SMPX: variants seen among roughly 807,000 people sequenced by gnomAD.
The protein encoded by SMPX is small muscle protein X-linked.
SMPX carries 2 observed loss-of-function variants against 6.3 expected under a neutral mutation model. That is an observed-to-expected ratio of 0.32 (90% CI 0.13 to 0.99). The LOEUF is 0.99. Ranked by LOEUF, SMPX falls within the 50% of genes least tolerant of loss-of-function variation. The probability of loss-of-function intolerance (pLI) is 0.49; values close to 1 mark genes in which losing one functional copy is unlikely to be tolerated. For missense variants in SMPX, 60 were observed against 66.8 expected (o/e 0.90, Z 0.36); for synonymous variants, 32 against 24.7 (o/e 1.30, Z -0.88).
chrX:21,707,846 C>T (rs1892685961), intron 4 of SMPX, among the ~76,000 whole-genome samples: 1 of 112,347 alleles, frequency 8.9e-6, no homozygotes, highest in Admixed American at 9.4e-5. Flanking sequence ...TAGAGCAGAG[C>T]CCCCAGATGA....
In SMPX at chrX:21,706,294, A is replaced by C. The variant is rs1431704075; in HGVS notation, c.*115T>G. ...TGTACAAACAGGCCATTTCTGCTAG[A>C]GTCTCAGGCATTCAGGAGGTTCACA... On this transcript the variant is annotated 3_prime_UTR_variant, in exon 5 of 5. Coordinates refer to ENST00000379494, the MANE Select transcript of SMPX (RefSeq NM_014332.3). 2.0e-6 allele frequency: 1 copy of C among 495,976 alleles called. No homozygotes were observed. The highest frequency in any genetic ancestry group is 2.7e-5 in the Admixed American group (1 of 37,363). The allele number at this position is 495,976 out of a possible 1,213,427, so 40.9% of individuals were successfully genotyped here.
intron 1 of SMPX, among the ~76,000 whole-genome samples, chrX:21,757,255 AGCTGTCTGAACTGAC>A (rs2092833988): frequency 9.0e-6 from 1 of 111,665 alleles, no homozygotes; most frequent in Non-Finnish European, 1.9e-5. Context: ...AAAGATGTTC[AGCTGTCTGAACTGAC>A]TAACTCCTTA....
chrX:21,731,615 T>C (rs752499891), intron 4 of SMPX, among the ~76,000 whole-genome samples: 25 of 98,634 alleles, frequency 2.5e-4, no homozygotes, highest in East Asian at 3.4e-4. Flanking sequence ...TATATGTGTA[T>C]ATGTACACAT....
chrX:21,730,551 AGAG>A (rs1469229040), intron 4 of SMPX, among the ~76,000 whole-genome samples: 1 of 112,234 alleles, frequency 8.9e-6, no homozygotes, highest in Non-Finnish European at 1.9e-5. Context: ...ACTGATTGAG[AGAG>A]GTGCCATTTT....
chrX:21,745,472 T>C (rs2092820434), intron 2 of SMPX, among the ~76,000 whole-genome samples: 1 of 112,010 alleles, frequency 8.9e-6, no homozygotes. Context: ...ACAATTTTAG[T>C]TGGCACATTT....
intron 4 of SMPX, among the ~76,000 whole-genome samples, chrX:21,713,948 A>C (rs1319335386): frequency 8.9e-6 from 1 of 112,536 alleles, no homozygotes; most frequent in East Asian, 2.8e-4. Context: ...TACTTTATAT[A>C]GAGTAAAATG....
chrX:21,716,398 C>T (rs2092785175), intron 4 of SMPX, among the ~76,000 whole-genome samples: 1 of 112,012 alleles, frequency 8.9e-6, no homozygotes, highest in Non-Finnish European at 1.9e-5. Context: ...ATTTTCACAG[C>T]CCACTCTGCC....
rs1158823644 is a variant in SMPX at position 21,705,989 on chromosome X, G to A, written c.*420C>T. 8.7e-6 allele frequency: 4 copies of A among 461,757 alleles called. No homozygotes were observed. In the African/African-American group the frequency reaches 9.7e-5, roughly 11 times the overall value. The allele number at this position is 461,757 out of a possible 1,213,427, so 38.1% of individuals were successfully genotyped here. A position where few individuals can be genotyped will look rare whatever the true frequency, so the allele number is the denominator to read the frequency against. On this transcript the variant is annotated 3_prime_UTR_variant, in exon 5 of 5. Transcript: ENST00000379494. The stretch of plus-strand genomic sequence containing the variant: ...AGTCTAGATTCACATTTTACATTTA[G>A]TCAAATATTTATTTGAACTCATACA...
At chrX:21,721,005 G>C (rs1431823319) in intron 4 of SMPX, among the ~76,000 whole-genome samples, 3 of 112,158 alleles carry the variant, frequency 2.7e-5, no homozygotes, top group African/African-American at 9.7e-5. Flanking sequence ...TAATGGCCCT[G>C]GCAGTTTTTA....
At chrX:21,745,116 C>T (rs890092167) in intron 2 of SMPX, among the ~76,000 whole-genome samples, 1 of 111,871 alleles carries the variant, frequency 8.9e-6, no homozygotes, top group Non-Finnish European at 1.9e-5. Context: ...AGAAATAGAT[C>T]CAAAGTATTT....
chrX:21,739,583 T>G (rs1442135087), intron 3 of SMPX, among the ~76,000 whole-genome samples: 1 of 112,530 alleles, frequency 8.9e-6, no homozygotes, highest in Non-Finnish European at 1.9e-5. Context: ...GAAGCAATAA[T>G]TAAAACTGTA....
At chrX:21,711,101 G>T (rs2092778250) in intron 4 of SMPX, among the ~76,000 whole-genome samples, 1 of 111,921 alleles carries the variant, frequency 8.9e-6, no homozygotes, top group Admixed American at 9.5e-5. Flanking sequence ...AAAGTCCCCA[G>T]ACGGCCAGAG....
intron 4 of SMPX, among the ~76,000 whole-genome samples, chrX:21,715,322 T>G (rs376355773): frequency 1.9e-3 from 192 of 99,002 alleles, no homozygotes; most frequent in African/African-American, 7.6e-3. Context: ...GCGCGCGCGC[T>G]CGCGCGCTGG....
chrX:21,722,577 C>T (rs1489709899), intron 4 of SMPX, among the ~76,000 whole-genome samples: 1 of 112,205 alleles, frequency 8.9e-6, no homozygotes, highest in African/African-American at 3.2e-5. Flanking sequence ...TCAGCACTTA[C>T]TAAACAGCTA....
chrX:21,710,470 G>A (rs1486708616), intron 4 of SMPX, among the ~76,000 whole-genome samples: 4 of 111,127 alleles, frequency 3.6e-5, no homozygotes, highest in Non-Finnish European at 7.6e-5. Context: ...CTCAGGTGAC[G>A]GGGGCACTAA....
chrX:21,731,783 T>G (rs1013549777), intron 4 of SMPX, among the ~76,000 whole-genome samples: 11 of 100,663 alleles, frequency 1.1e-4, no homozygotes, highest in Non-Finnish European at 1.0e-4. Flanking sequence ...TGTACACATT[T>G]GTGTGTATAT....
chrX:21,707,403 G>C (rs1053635880), intron 4 of SMPX, among the ~76,000 whole-genome samples: 2 of 111,792 alleles, frequency 1.8e-5, no homozygotes, highest in Non-Finnish European at 1.9e-5. Context: ...CATCAACTTT[G>C]GCTCTAGTGA....
chrX:21,755,808 T>C (rs1407834235), intron 1 of SMPX, among the ~76,000 whole-genome samples: 1 of 112,339 alleles, frequency 8.9e-6, no homozygotes, highest in Non-Finnish European at 1.9e-5. Flanking sequence ...AGAGTTTCAC[T>C]TGAATGTCTT....
At chrX:21,724,450 C>A (rs746449903) in intron 4 of SMPX, among the ~76,000 whole-genome samples, 45 of 112,380 alleles carry the variant, frequency 4.0e-4, no homozygotes, top group African/African-American at 1.3e-3. Context: ...AAATAGTAAA[C>A]AGAGGTAGAA....
Sources: allele counts gnomAD v4.1 joint callset (sites outside exome capture counted in the v4.1 genomes callset), GRCh38; gene constraint gnomAD v4.1.1; transcripts MANE v1.5; gene names NCBI Gene and HGNC (gene_info 2026-07-23, HGNC 2026-07-21).